MEIKIN: variants seen among roughly 807,000 people sequenced by gnomAD.
MEIKIN encodes the protein meiosis-specific kinetochore protein.
intron 11 of MEIKIN, among the ~76,000 whole-genome samples, chr5:131,841,738 T>C (rs1255508719): frequency 6.6e-6 from 1 of 152,216 alleles, no homozygotes; most frequent in Non-Finnish European, 1.5e-5. Flanking sequence ...TATCATTACA[T>C]TTATTTGTGC....
At chr5:131,826,232 G>C (rs1749606745) in intron 11 of MEIKIN, among the ~76,000 whole-genome samples, 1 of 151,322 alleles carries the variant, frequency 6.6e-6, no homozygotes, top group Admixed American at 6.6e-5. Context: ...TGGCCTAAAT[G>C]GTGAATTTCA....
chr5:131,838,928 CTT>C (rs1032779823), intron 11 of MEIKIN, among the ~76,000 whole-genome samples: 4 of 151,950 alleles, frequency 2.6e-5, no homozygotes, highest in African/African-American at 9.7e-5. Flanking sequence ...TTGTCTAGTT[CTT>C]TTACTTGTGA....
chr5:131,939,289 T>C (rs191848402), intron 4 of MEIKIN, among the ~76,000 whole-genome samples: 167 of 152,248 alleles, frequency 1.1e-3, no homozygotes, highest in Non-Finnish European at 9.3e-4. Context: ...TCCAGGAATA[T>C]GTAATGCCTC....
At chr5:131,918,913 A>G (rs758454390) in intron 6 of MEIKIN, among the ~76,000 whole-genome samples, 3 of 152,204 alleles carry the variant, frequency 2.0e-5, no homozygotes, top group African/African-American at 7.2e-5. Context: ...ATAAGACCCT[A>G]TGATCTTGAT....
intron 8 of MEIKIN, among the ~76,000 whole-genome samples, chr5:131,910,008 G>A (rs531831617): frequency 6.6e-6 from 1 of 152,238 alleles, no homozygotes; most frequent in African/African-American, 2.4e-5. Flanking sequence ...AGAACTGTTT[G>A]GAGCTTCCTC....
At chr5:131,912,680 G>A (rs1262440066) in intron 7 of MEIKIN, among the ~76,000 whole-genome samples, 2 of 152,096 alleles carry the variant, frequency 1.3e-5, no homozygotes, top group Non-Finnish European at 2.9e-5. Context: ...TGTCAAAATA[G>A]TACCTTCTCG....
chr5:131,916,099 A>G (rs1751412353), intron 7 of MEIKIN, among the ~76,000 whole-genome samples: 1 of 152,216 alleles, frequency 6.6e-6, no homozygotes, highest in Non-Finnish European at 1.5e-5. Context: ...TGTCTAGTAG[A>G]TAATAGGCAC....
chr5:131,861,303 T>G (rs1750281435), intron 9 of MEIKIN, among the ~76,000 whole-genome samples: 1 of 151,924 alleles, frequency 6.6e-6, no homozygotes, highest in African/African-American at 2.4e-5. Context: ...GTAGGATAAC[T>G]GCTTAAACCC....
chr5:131,898,110 T>C (rs557792972), intron 8 of MEIKIN, among the ~76,000 whole-genome samples: 4 of 152,354 alleles, frequency 2.6e-5, no homozygotes, highest in Non-Finnish European at 5.9e-5. Context: ...TTTTCGTTGA[T>C]GTTGATGCTA....
chr5:131,856,605 T>C (rs1750196361), intron 9 of MEIKIN, among the ~76,000 whole-genome samples: 1 of 152,198 alleles, frequency 6.6e-6, no homozygotes. Flanking sequence ...ATCCTGCTTC[T>C]TCCCTGCCTT....
At chr5:131,885,096 G>T (rs1022535617) in intron 8 of MEIKIN, among the ~76,000 whole-genome samples, 2 of 152,184 alleles carry the variant, frequency 1.3e-5, no homozygotes, top group African/African-American at 4.8e-5. Context: ...CCCAGGGTCT[G>T]GGGGAACTTG....
chr5:131,816,442 G>C (rs1773100482), intron 12 of MEIKIN, among the ~76,000 whole-genome samples: 1 of 152,184 alleles, frequency 6.6e-6, no homozygotes, highest in South Asian at 2.1e-4. Flanking sequence ...GAGCAAAACT[G>C]AAGTTTATCT....
chr5:131,889,976 G>C (rs915343678), intron 8 of MEIKIN, among the ~76,000 whole-genome samples: 2 of 152,100 alleles, frequency 1.3e-5, no homozygotes, highest in African/African-American at 2.4e-5. Context: ...TCATCATGTG[G>C]TTTTTGTCTT....
At chr5:131,896,321 A>G (rs1751050566) in intron 8 of MEIKIN, among the ~76,000 whole-genome samples, 4 of 152,102 alleles carry the variant, frequency 2.6e-5, no homozygotes, top group African/African-American at 4.8e-5. Flanking sequence ...GGTCAATTTT[A>G]GAACAAGTCC....
chr5:131,831,632 G>GT (rs1749716594), intron 11 of MEIKIN, among the ~76,000 whole-genome samples: 2 of 152,072 alleles, frequency 1.3e-5, no homozygotes, highest in African/African-American at 4.8e-5. Context: ...CACTATTTGA[G>GT]TTTTTTTGTG....
At chr5:131,885,942 T>C (rs1318228970) in intron 8 of MEIKIN, among the ~76,000 whole-genome samples, 1 of 152,130 alleles carries the variant, frequency 6.6e-6, no homozygotes, top group Admixed American at 6.5e-5. Context: ...CAGAATTCTG[T>C]CTGGTAAATT....
intron 10 of MEIKIN, among the ~76,000 whole-genome samples, chr5:131,853,431 A>T (rs1449272443): frequency 1.3e-5 from 2 of 152,156 alleles, no homozygotes; most frequent in Non-Finnish European, 2.9e-5. Flanking sequence ...TTGACTGAAG[A>T]CTTGATGACA....
intron 5 of MEIKIN, among the ~76,000 whole-genome samples, chr5:131,928,098 C>T (rs1163902759): frequency 3.4e-5 from 5 of 148,138 alleles, no homozygotes; most frequent in African/African-American, 1.3e-4. Flanking sequence ...GAGTTGAGAT[C>T]GCGCCACTGC....
chr5:131,831,748 C>T (rs890711638), intron 11 of MEIKIN, among the ~76,000 whole-genome samples: 2 of 151,990 alleles, frequency 1.3e-5, no homozygotes, highest in African/African-American at 2.4e-5. Flanking sequence ...GCTGGGGAGG[C>T]CTCAGAATCA....
Sources: gnomAD v4.1 joint callset for allele counts (sites outside exome capture counted in the v4.1 genomes callset) on GRCh38, gnomAD v4.1.1 for gene constraint, MANE v1.5 for transcripts, NCBI Gene and HGNC (gene_info 2026-07-23, HGNC 2026-07-21) for gene names.